CPNE8: variants seen among roughly 807,000 people sequenced by gnomAD.
CPNE8 encodes copine 8, also known as copine-8.
In CPNE8, 45 loss-of-function variants were observed where a neutral mutation model predicts 81.5. The ratio of observed to expected loss-of-function variants is 0.55; its 90% confidence interval spans 0.44 to 0.71. The LOEUF (loss-of-function observed/expected upper bound fraction) is 0.71. Among genes scored for constraint, CPNE8 ranks in the 30% least tolerant of loss-of-function variants. The pLI, the probability that CPNE8 is intolerant of heterozygous loss-of-function variation, is 0.00. For synonymous variants in CPNE8, 252 were observed against 226.3 expected (o/e 1.11, Z -1.02); for missense variants, 594 against 672.1 (o/e 0.88, Z 1.28).
At position 38,677,670 on chromosome 12, in the gene CPNE8, T is replaced by A; in HGVS notation, c.1272-116A>T. ...AATCTCAATAAAATATTTGAACATGTTAGAGGTATATCTTATGCAAACTTT... is the reference window on the plus strand; with the variant it reads ...AATCTCAATAAAATATTTGAACATGATAGAGGTATATCTTATGCAAACTTT... On this transcript the variant is annotated intron_variant, in intron 16 of 19. Transcript: ENST00000331366. The A allele has an allele frequency of 4.5e-6, 3 of 662,928 alleles. No individual in the cohort carries two copies. The South Asian group carries it at 5.2e-5, about 12-fold the overall frequency. 41.1% of individuals were successfully genotyped at this position (662,928 alleles called of 1,614,324 possible). A position where few individuals can be genotyped will look rare whatever the true frequency, so the allele number is the denominator to read the frequency against.
At chr12:38,824,542 ATAATT>A (rs1170483201) in intron 6 of CPNE8, among the ~76,000 whole-genome samples, 3 of 151,476 alleles carry the variant, frequency 2.0e-5, no homozygotes, top group African/African-American at 7.3e-5. Flanking sequence ...TTATCAGAAA[ATAATT>A]TAAGTTAGGC....
At position 38,821,680 on chromosome 12, in the gene CPNE8, C is replaced by T. The variant is rs186354347; in HGVS notation, c.407+7699G>A. Among the ~76,000 whole-genome samples, 614 of 152,264 alleles carry T rather than the reference C, an allele frequency of 4.0e-3. 5 individuals are homozygous for T. Among genetic ancestry groups the T allele is most frequent in the Admixed American group, 7.3e-3 (111 of 15,304 alleles). The stretch of plus-strand genomic sequence containing the variant: ...CATATCCTTTACAATCCTTTCCATC[C>T]AGAAGAGTTCTTCATCTGTATGACT... On this transcript the variant is annotated intron_variant, in intron 6 of 19. Transcript: ENST00000331366.
In CPNE8 at chr12:38,818,154, C is replaced by G. The variant is rs569304667; in HGVS notation, c.407+11225G>C. 2.0e-5 allele frequency among the ~76,000 whole-genome samples: 3 copies of G among 152,044 alleles called. No homozygotes were observed. The South Asian group carries it at 6.2e-4, about 32-fold the overall frequency. Reference sequence around the variant, plus strand: ...GTAACTGATTTTTTTTTTAATTATACTTTCAGTTCTGGGATGCATGTGCAG... The same window carrying G: ...GTAACTGATTTTTTTTTTAATTATAGTTTCAGTTCTGGGATGCATGTGCAG... On this transcript the variant is annotated intron_variant, in intron 6 of 19. Coordinates refer to ENST00000331366, the MANE Select transcript of CPNE8 (RefSeq NM_153634.3).
intron 14 of CPNE8, among the ~76,000 whole-genome samples, chr12:38,698,135 C>T (rs1326192225): frequency 2.0e-5 from 3 of 152,100 alleles, no homozygotes; most frequent in African/African-American, 4.8e-5. Context: ...ATTATAGTTT[C>T]GATTTGGATT....
At position 38,653,892 on chromosome 12, in the gene CPNE8, G is replaced by A. The variant is rs1938760147; in HGVS notation, c.1685C>T (p.Thr562Ile). 25 of 1,612,470 alleles carry A rather than the reference G, an allele frequency of 1.6e-5. No homozygotes were observed. The highest frequency in any genetic ancestry group is 2.1e-5 in the Non-Finnish European group (25 of 1,179,624). Residue 562 changes from threonine to isoleucine, a missense_variant, in exon 20 of 20, where the codon ACT (threonine) becomes ATT (isoleucine). Transcript: ENST00000331366. ...CATTTCAGAGCACAGTCATATTTGA[G>A]TCTGTAACACATGTGTAGGTGGGGT... ...PYTPPTHVLQ[T>I]QI
At chr12:38,739,505 T>C (rs1684419) in intron 10 of CPNE8, among the ~76,000 whole-genome samples, 122,614 of 152,050 alleles carry the variant, frequency 0.81, 52,408 homozygotes, top group Middle Eastern at 0.97. Context: ...AAACACATTA[T>C]AAAAATCTTT....
At chr12:38,751,107 C>G (rs1225323261) in intron 10 of CPNE8, among the ~76,000 whole-genome samples, 2 of 152,168 alleles carry the variant, frequency 1.3e-5, no homozygotes, top group Non-Finnish European at 2.9e-5. Context: ...TAAGATGTGA[C>G]TTGTTCTTCC....
intron 3 of CPNE8, among the ~76,000 whole-genome samples, chr12:38,869,102 A>G (rs74696731): frequency 0.023 from 3,545 of 152,238 alleles, 135 homozygotes; most frequent in African/African-American, 0.081. Flanking sequence ...ACATCCATCA[A>G]TGGATCCTCA....
At chr12:38,791,169 A>G (rs1942313930) in intron 6 of CPNE8, among the ~76,000 whole-genome samples, 1 of 151,698 alleles carries the variant, frequency 6.6e-6, no homozygotes, top group Non-Finnish European at 1.5e-5. Context: ...ACAGCCATGT[A>G]GTTTCATCTT....
chr12:38,679,873 A>G (rs1486357), intron 16 of CPNE8, among the ~76,000 whole-genome samples: 44,681 of 151,466 alleles, frequency 0.29, 8,529 homozygotes, highest in Non-Finnish European at 0.42. Context: ...TAAAAATTAT[A>G]AGCTGGCCAC....
intron 10 of CPNE8, among the ~76,000 whole-genome samples, chr12:38,737,893 G>A (rs144676864): frequency 6.6e-6 from 1 of 152,186 alleles, no homozygotes; most frequent in Non-Finnish European, 1.5e-5. Context: ...GCAAAAGTTG[G>A]CAAGTTGCAC....
intron 13 of CPNE8, among the ~76,000 whole-genome samples, chr12:38,723,070 C>T (rs1940605870): frequency 6.6e-6 from 1 of 152,186 alleles, no homozygotes; most frequent in Admixed American, 6.5e-5. Context: ...AATTAAACCT[C>T]TTTCCTTTAT....
rs572527029 is a variant in CPNE8, at chr12:38,792,780, G to T, written c.408-16479C>A. 2.0e-5 allele frequency among the ~76,000 whole-genome samples: 3 copies of T among 151,788 alleles called. No individual in the cohort carries two copies. The East Asian group carries it at 5.8e-4, about 29-fold the overall frequency. ...AAAGCACATCAAAACACTATACAAA[G>T]AAGAGAACGTTATAGATCAATATCC... On this transcript the variant is annotated intron_variant, in intron 6 of 19. Coordinates refer to ENST00000331366, the MANE Select transcript of CPNE8 (RefSeq NM_153634.3).
chr12:38,846,301 T>C (rs1246250491), intron 4 of CPNE8, among the ~76,000 whole-genome samples: 1 of 152,176 alleles, frequency 6.6e-6, no homozygotes, highest in African/African-American at 2.4e-5. Context: ...ATGCACAGAA[T>C]TGCAATTCAG....
chr12:38,711,557 C>T (rs1044339186), intron 13 of CPNE8, among the ~76,000 whole-genome samples: 2 of 151,866 alleles, frequency 1.3e-5, no homozygotes, highest in African/African-American at 2.4e-5. Flanking sequence ...CAACCTCCGC[C>T]TCCTGGGATC....
chr12:38,842,279 C>T (rs919706270), intron 4 of CPNE8, among the ~76,000 whole-genome samples: 7 of 152,048 alleles, frequency 4.6e-5, no homozygotes, highest in African/African-American at 1.7e-4. Flanking sequence ...TAAACAATAT[C>T]AGAGATGAAA....
chr12:38,656,780 C>A (rs975242597), intron 19 of CPNE8, among the ~76,000 whole-genome samples: 3 of 152,144 alleles, frequency 2.0e-5, no homozygotes, highest in African/African-American at 4.8e-5. Flanking sequence ...TGGAAAGGAA[C>A]TGGCCAGCAA....
intron 19 of CPNE8, among the ~76,000 whole-genome samples, chr12:38,661,377 A>G (rs916393607): frequency 2.0e-5 from 3 of 152,148 alleles, no homozygotes; most frequent in Admixed American, 2.0e-4. Flanking sequence ...CAAACACTGC[A>G]TATTCTCACT....
chr12:38,690,381 T>G (rs1939646615), intron 15 of CPNE8, among the ~76,000 whole-genome samples: 1 of 152,186 alleles, frequency 6.6e-6, no homozygotes, highest in Non-Finnish European at 1.5e-5. Flanking sequence ...TCTGCCTTAT[T>G]TATCCAACAA....
Sources: allele counts gnomAD v4.1 joint callset (sites outside exome capture counted in the v4.1 genomes callset), GRCh38; gene constraint gnomAD v4.1.1; transcripts MANE v1.5; gene names NCBI Gene and HGNC (gene_info 2026-07-23, HGNC 2026-07-21).